Variants in SHANK2 observed in about 807,000 individuals in gnomAD.
SHANK2 encodes the protein SH3 and multiple ankyrin repeat domains 2.
Under a neutral mutation model 133.7 loss-of-function variants are expected in SHANK2, and 43 were observed. The observed-to-expected ratio is 0.32, with a 90% CI of 0.25 to 0.41. The LOEUF (loss-of-function observed/expected upper bound fraction) is 0.41. SHANK2 is among the 10% of genes least tolerant of loss of function. The probability of loss-of-function intolerance (pLI) is 1.00; values close to 1 mark genes in which losing one functional copy is unlikely to be tolerated. For missense variants in SHANK2, 1,994 were observed against 2,235.8 expected, an observed-to-expected ratio of 0.89 and a Z score of 2.18; for synonymous variants, 1,017 against 952.8, an observed-to-expected ratio of 1.07 and a Z score of -1.24.
Position 70,940,404 on chromosome 11 carries a change from G to A in SHANK2, c.1108-43837C>T, listed in dbSNP as rs112993431. ...TGGGATTACAGGCACATGCCACCACGCCCAGCTAATTAGCTAATTTTTGTA... is the reference window on the plus strand; with the variant it reads ...TGGGATTACAGGCACATGCCACCACACCCAGCTAATTAGCTAATTTTTGTA... On this transcript the variant is annotated intron_variant, in intron 10 of 25. Transcript: ENST00000601538. 7.0e-3 allele frequency among the ~76,000 whole-genome samples: 1,067 copies of A among 151,428 alleles called. 10 individuals are homozygous for A. The highest frequency in any genetic ancestry group is 0.025 in the African/African-American group (1,038 of 41,208).
intron 2 of SHANK2, among the ~76,000 whole-genome samples, chr11:71,193,567 C>A (rs782071342): frequency 6.6e-6 from 1 of 152,176 alleles, no homozygotes; most frequent in Non-Finnish European, 1.5e-5. Flanking sequence ...AGGGTACTGG[C>A]GTGACTGTTA....
At chr11:70,937,596 C>A (rs2135828614) in intron 10 of SHANK2, among the ~76,000 whole-genome samples, 1 of 152,086 alleles carries the variant, frequency 6.6e-6, no homozygotes, top group South Asian at 2.1e-4. Context: ...GGGTGGCCAC[C>A]ATTGGATCAT....
intron 14 of SHANK2, among the ~76,000 whole-genome samples, chr11:70,781,083 A>C (rs1947475489): frequency 6.6e-6 from 1 of 151,946 alleles, no homozygotes; most frequent in Non-Finnish European, 1.5e-5. Context: ...CCAAGGAGTG[A>C]GGGGTTCCAT....
At chr11:70,842,880 T>C (rs1948929261) in intron 11 of SHANK2, among the ~76,000 whole-genome samples, 2 of 152,150 alleles carry the variant, frequency 1.3e-5, no homozygotes, top group African/African-American at 4.8e-5. Flanking sequence ...TCTGTGAGAA[T>C]AACACGGACG....
At chr11:71,099,030 G>C (rs1389949945) in intron 6 of SHANK2, among the ~76,000 whole-genome samples, 2 of 152,100 alleles carry the variant, frequency 1.3e-5, no homozygotes, top group African/African-American at 4.8e-5. Context: ...GATGAGAAAG[G>C]CTCTGTGCTC....
intron 12 of SHANK2, among the ~76,000 whole-genome samples, chr11:70,808,921 C>G (rs1274452817): frequency 6.6e-6 from 1 of 152,150 alleles, no homozygotes; most frequent in African/African-American, 2.4e-5. Context: ...CCAGCGGCCC[C>G]AGCGAACCAC....
At chr11:71,120,734 C>T (rs374313357) in intron 3 of SHANK2, among the ~76,000 whole-genome samples, 2 of 152,198 alleles carry the variant, frequency 1.3e-5, no homozygotes, top group Admixed American at 1.3e-4. Flanking sequence ...TCTCTGGAAA[C>T]TCCTGGCACA....
chr11:70,679,452 G>A lies in SHANK2; in HGVS notation c.1854-17774C>T, dbSNP rs555093763. Among the ~76,000 whole-genome samples, 106 of 152,306 alleles carry A rather than the reference G, an allele frequency of 7.0e-4. 1 individual carries two copies. The highest frequency in any genetic ancestry group is 3.4e-3 in the Middle Eastern group (1 of 294). On this transcript the variant is annotated intron_variant, in intron 15 of 25. Coordinates refer to ENST00000601538, the MANE Select transcript of SHANK2 (RefSeq NM_012309.5). ...AGGTGGGAGATCTCCCTGCACCCTC[G>A]GCCCCCTCTTTTGGGGTGTGCACCT...
At chr11:71,224,513 C>T (rs1237055492) in intron 2 of SHANK2, among the ~76,000 whole-genome samples, 184 bp downstream of exon 2, 4 of 152,162 alleles carry the variant, frequency 2.6e-5, no homozygotes, top group East Asian at 1.9e-4. Flanking sequence ...GTCACACAAG[C>T]GGGCCACCAA....
intron 2 of SHANK2, among the ~76,000 whole-genome samples, chr11:71,222,979 C>T (rs114707441): frequency 0.011 from 1,691 of 152,340 alleles, 34 homozygotes; most frequent in African/African-American, 0.038. Flanking sequence ...GCACCCTCCA[C>T]GGAGCCGTGT....
chr11:71,151,358 A>G (rs1555108059), intron 2 of SHANK2, among the ~76,000 whole-genome samples: 4 of 152,182 alleles, frequency 2.6e-5, no homozygotes, highest in Admixed American at 1.3e-4. Flanking sequence ...CCTGCCGGGT[A>G]GCGGGGTGCA....
intron 17 of SHANK2, chr11:70,647,387 T>A (rs782167523): frequency 1.3e-5 from 2 of 152,258 alleles, no homozygotes; most frequent in Non-Finnish European, 2.9e-5. Flanking sequence ...CCCGCCTCCC[T>A]GACAGGTGGC....
chr11:70,528,693 G>A (rs547078623), intron 17 of SHANK2, among the ~76,000 whole-genome samples: 4 of 151,946 alleles, frequency 2.6e-5, no homozygotes, highest in Non-Finnish European at 5.9e-5. Context: ...CCTGACAAGC[G>A]GGTCAGCTCG....
chr11:70,540,450 A>C (rs1436987244), intron 17 of SHANK2, among the ~76,000 whole-genome samples: 1 of 151,926 alleles, frequency 6.6e-6, no homozygotes, highest in Non-Finnish European at 1.5e-5. Flanking sequence ...AGTGATGAGG[A>C]CCATTCTCAT....
chr11:71,086,936 T>C (rs1951427903), intron 8 of SHANK2, among the ~76,000 whole-genome samples: 1 of 152,142 alleles, frequency 6.6e-6, no homozygotes, highest in Admixed American at 6.5e-5. Flanking sequence ...GGGGAGAAAA[T>C]GGCTTTCCGG....
intron 17 of SHANK2, among the ~76,000 whole-genome samples, chr11:70,616,877 GCCCCGCAAA>G (rs1554996115): frequency 6.6e-6 from 1 of 152,212 alleles, no homozygotes; most frequent in African/African-American, 2.4e-5. Flanking sequence ...GATGACAAAT[GCCCCGCAAA>G]GGGCCACAGG....
rs140245948 is a variant in SHANK2, at chr11:70,761,533, C to T, written c.1777+36910G>A. On this transcript the variant is annotated intron_variant, in intron 14 of 25. Transcript: ENST00000601538. ...ATGGTGAAGGGTGTCCAGTGAGTGA[C>T]GCACCTCTATGGGTCCTCTGGCTCA... Among the ~76,000 whole-genome samples the T allele has an allele frequency of 1.1e-3, 167 of 152,346 alleles. 1 individual carries two copies. The highest frequency in any genetic ancestry group is 2.9e-3 in the South Asian group (14 of 4,830).
intron 14 of SHANK2, chr11:70,705,839 C>G (rs1945651568): frequency 6.6e-6 from 1 of 152,488 alleles, no homozygotes; most frequent in Admixed American, 6.5e-5. Context: ...TGCACCTGGA[C>G]TGTTGCAGCA....
At chr11:70,559,960 C>T (rs2059886028) in intron 17 of SHANK2, among the ~76,000 whole-genome samples, 1 of 152,138 alleles carries the variant, frequency 6.6e-6, no homozygotes, top group Non-Finnish European at 1.5e-5. Context: ...CAGCTTCCGC[C>T]TCCCGGGTTC....
Sources: allele counts gnomAD v4.1 joint callset (sites outside exome capture counted in the v4.1 genomes callset), GRCh38; gene constraint gnomAD v4.1.1; transcripts MANE v1.5; gene names NCBI Gene and HGNC (gene_info 2026-07-23, HGNC 2026-07-21).